CDK17: variants seen among roughly 807,000 people sequenced by gnomAD.
CDK17 encodes cyclin dependent kinase 17, also known as cyclin-dependent kinase 17.
In CDK17, 24 loss-of-function variants were observed where a neutral mutation model predicts 77.6. The ratio of observed to expected loss-of-function variants is 0.31; its 90% CI spans 0.22 to 0.44. The LOEUF (loss-of-function observed/expected upper bound fraction) is 0.44, where lower values mean the gene tolerates loss of function less well. Among genes scored for constraint, CDK17 ranks in the 20% least tolerant of loss-of-function variants. The pLI is 1.00. For missense variants in CDK17, 429 were observed against 622.5 expected, an observed-to-expected ratio of 0.69 and a Z score of 3.31; for synonymous variants, 203 against 210.4, an observed-to-expected ratio of 0.96 and a Z score of 0.30.
At chr12:96,382,582 C>T (rs546461828) in intron 1 of CDK17, among the ~76,000 whole-genome samples, 1 of 152,138 alleles carries the variant, frequency 6.6e-6, no homozygotes, top group African/African-American at 2.4e-5. Flanking sequence ...GAACAATATC[C>T]CCGATGAACA....
Position 96,280,146 on chromosome 12 carries a change from G to T in CDK17, c.*96C>A. 8.0e-7 allele frequency: 1 copy of T among 1,250,174 alleles called. No homozygotes were observed. The highest frequency in any genetic ancestry group is 1.1e-6 in the Non-Finnish European group (1 of 899,664). 77.4% of individuals were successfully genotyped at this position (1,250,174 alleles called of 1,614,324 possible). On this transcript the variant is annotated 3_prime_UTR_variant, in exon 17 of 17. Transcript: ENST00000261211. ...GAAGAGGACAGTGTAGACAAACGGA[G>T]ATTCCAAGTCCACCAAAAGAAATAA...
chr12:96,385,358 GA>G (rs1953955294), intron 1 of CDK17, among the ~76,000 whole-genome samples: 2 of 152,072 alleles, frequency 1.3e-5, no homozygotes, highest in Non-Finnish European at 2.9e-5. Flanking sequence ...GAGATGACTA[GA>G]AGGGGTTGGC....
At chr12:96,349,949 G>A (rs1460000968) in intron 1 of CDK17, among the ~76,000 whole-genome samples, 1 of 152,114 alleles carries the variant, frequency 6.6e-6, no homozygotes, top group Non-Finnish European at 1.5e-5. Flanking sequence ...CTGCCATGAT[G>A]AAATCAGTTG....
At chr12:96,328,842 G>A (rs1952927804) in intron 2 of CDK17, among the ~76,000 whole-genome samples, 1 of 152,144 alleles carries the variant, frequency 6.6e-6, no homozygotes, top group Non-Finnish European at 1.5e-5. Flanking sequence ...TGTAGGGTTG[G>A]AGGAGGTCAC....
intron 1 of CDK17, among the ~76,000 whole-genome samples, chr12:96,380,828 T>C (rs979685088): frequency 2.0e-5 from 3 of 152,192 alleles, no homozygotes; most frequent in African/African-American, 7.2e-5. Context: ...GCAACCTTTA[T>C]CTCTATTTCT....
chr12:96,399,344 C>T (rs1212043480), intron 1 of CDK17: 1 of 152,498 alleles, frequency 6.6e-6, no homozygotes, highest in African/African-American at 2.4e-5. Context: ...CTTCCCTCTA[C>T]CTCCGCTCTT....
At position 96,279,778 on chromosome 12, in the gene CDK17, A is replaced by G. The variant is rs2137057779; in HGVS notation, c.*464T>C. On this transcript the variant is annotated 3_prime_UTR_variant, in exon 17 of 17. Transcript: ENST00000261211. ...CAAAGCTAAATTTACATTCCAGGAA[A>G]CACTGCAGTTTAATTTTAAAAACAA... 1 of 153,374 alleles carries G rather than the reference A, an allele frequency of 6.5e-6. No individual in the cohort carries two copies. The highest frequency in any genetic ancestry group is 3.4e-3 in the Middle Eastern group (1 of 296). The allele number at this position is 153,374 out of a possible 1,614,324, so 9.5% of individuals were successfully genotyped here.
chr12:96,364,940 A>G (rs1953558562), intron 1 of CDK17, among the ~76,000 whole-genome samples: 1 of 152,200 alleles, frequency 6.6e-6, no homozygotes, highest in Non-Finnish European at 1.5e-5. Flanking sequence ...AGAACTTGGC[A>G]AAAGCATTAC....
In CDK17 at chr12:96,389,606, TTAA is replaced by T. The variant is rs1372555059; in HGVS notation, c.-30+10377_-30+10379del. Reference sequence around the variant, plus strand: ...CTGTTTCTGAAATGATAAATGTTGGTTAATAAACCATGATCTCAAAAGCTCAAT... The same window carrying T: ...CTGTTTCTGAAATGATAAATGTTGGTTAAACCATGATCTCAAAAGCTCAAT... On this transcript the variant is annotated intron_variant, in intron 1 of 16. Coordinates refer to ENST00000261211, the MANE Select transcript of CDK17 (RefSeq NM_002595.5). Among the ~76,000 whole-genome samples the T allele has an allele frequency of 5.3e-5, 8 of 152,242 alleles. No individual in the cohort carries two copies. In the East Asian group the frequency reaches 1.5e-3, roughly 29 times the overall value.
chr12:96,385,701 T>C (rs1953961716), intron 1 of CDK17, among the ~76,000 whole-genome samples: 1 of 152,142 alleles, frequency 6.6e-6, no homozygotes, highest in African/African-American at 2.4e-5. Context: ...CAAGATAATA[T>C]TTGAAAATAG....
chr12:96,374,963 A>G (rs1303430497), intron 1 of CDK17, among the ~76,000 whole-genome samples: 1 of 152,118 alleles, frequency 6.6e-6, no homozygotes, highest in Non-Finnish European at 1.5e-5. Context: ...GAACAGTCAC[A>G]CAACAGAACA....
At chr12:96,295,953 G>C (rs1394666667) in intron 9 of CDK17, among the ~76,000 whole-genome samples, 2 of 152,170 alleles carry the variant, frequency 1.3e-5, no homozygotes, top group African/African-American at 4.8e-5. Context: ...TTCATCTGTA[G>C]GTGAAAAACA....
At chr12:96,378,280 T>C (rs11108485) in intron 1 of CDK17, among the ~76,000 whole-genome samples, 26,119 of 152,218 alleles carry the variant, frequency 0.17, 2,839 homozygotes, top group East Asian at 0.54. Context: ...ATGGATATTA[T>C]TTTATACTTT....
At chr12:96,394,447 T>C (rs1954131867) in intron 1 of CDK17, among the ~76,000 whole-genome samples, 1 of 152,180 alleles carries the variant, frequency 6.6e-6, no homozygotes, top group Non-Finnish European at 1.5e-5. Flanking sequence ...TACAAACATG[T>C]ACACAAAATG....
intron 2 of CDK17, among the ~76,000 whole-genome samples, chr12:96,330,170 G>A (rs750416056): frequency 2.0e-5 from 3 of 151,422 alleles, no homozygotes; most frequent in Admixed American, 6.6e-5. Context: ...TCAATATATC[G>A]TCCCATTACA....
At chr12:96,316,312 CG>C (rs1952716909) in intron 3 of CDK17, among the ~76,000 whole-genome samples, 1 of 152,012 alleles carries the variant, frequency 6.6e-6, no homozygotes, top group African/African-American at 2.4e-5. Context: ...CCTACGCCCA[CG>C]GAGTCTTGCT....
Position 96,392,359 on chromosome 12 carries a change from A to G in CDK17, c.-30+7627T>C, listed in dbSNP as rs538176076. ...CAGGTACTTCAGACATGGATGGATGAATGGACGGCAGTACGGAAAAAAGGA... is the reference window on the plus strand; with the variant it reads ...CAGGTACTTCAGACATGGATGGATGGATGGACGGCAGTACGGAAAAAAGGA... On this transcript the variant is annotated intron_variant, in intron 1 of 16. Transcript: ENST00000261211. 3.9e-5 allele frequency among the ~76,000 whole-genome samples: 6 copies of G among 152,328 alleles called. No individual in the cohort carries two copies. In the East Asian group the frequency reaches 1.2e-3, roughly 29 times the overall value.
rs146109533 is a variant in CDK17 at position 96,333,238 on chromosome 12, G to T, written c.118+1481C>A. Among the ~76,000 whole-genome samples, 10 of 152,092 alleles carry T rather than the reference G, an allele frequency of 6.6e-5. No homozygotes were observed. In the East Asian group the frequency reaches 1.9e-3, roughly 29 times the overall value. On this transcript the variant is annotated intron_variant, in intron 2 of 16. Transcript: ENST00000261211. ...ATCTAGAATAGGTCCTCTGGCAAGA[G>T]GAACAACAGTAAAATCATGATGTTT...
At chr12:96,302,944 A>AT (rs1337522584) in intron 5 of CDK17, 4 of 152,218 alleles carry the variant, frequency 2.6e-5, no homozygotes, top group African/African-American at 9.6e-5. Context: ...ACACTAGTGA[A>AT]TTGTCTGTCA....
Sources: allele counts gnomAD v4.1 joint callset (sites outside exome capture counted in the v4.1 genomes callset), GRCh38; gene constraint gnomAD v4.1.1; transcripts MANE v1.5; gene names NCBI Gene and HGNC (gene_info 2026-07-23, HGNC 2026-07-21).